The following ERICH1 variants were observed in gnomAD, a reference collection of about 807,000 sequenced individuals.
ERICH1 encodes glutamate rich 1.
In ERICH1, 56 loss-of-function variants were observed where a neutral mutation model predicts 39.6. The observed-to-expected ratio is 1.41, with a 90% CI of 1.14 to 1.77. The LOEUF (loss-of-function observed/expected upper bound fraction) is 1.77, where lower values mean the gene tolerates loss of function less well. Among genes scored for constraint, ERICH1 ranks in the 40% most tolerant of loss-of-function variants. The pLI, the probability that ERICH1 is intolerant of heterozygous loss-of-function variation, is 0.00. For synonymous variants in ERICH1, 313 were observed against 223.6 expected (o/e 1.40, Z -3.57); for missense variants, 826 against 575.4 (o/e 1.44, Z -4.45).
Position 704,889 on chromosome 8 carries a change from T to C in ERICH1, c.169+10972A>G, listed in dbSNP as rs146139244. ...TGTGACTGGAGTGATGGGCAGAACATTGCTGTTTTTAATAATAATTCCTGA... is the reference window on the plus strand; with the variant it reads ...TGTGACTGGAGTGATGGGCAGAACACTGCTGTTTTTAATAATAATTCCTGA... On this transcript the variant is annotated intron_variant, in intron 2 of 5. Coordinates refer to ENST00000262109, the MANE Select transcript of ERICH1 (RefSeq NM_207332.3). Among the ~76,000 whole-genome samples, 17 of 152,320 alleles carry C rather than the reference T, an allele frequency of 1.1e-4. No homozygotes were observed. In the East Asian group the frequency reaches 1.5e-3, roughly 14 times the overall value.
intron 2 of ERICH1, among the ~76,000 whole-genome samples, chr8:701,339 G>A (rs1340750716): frequency 1.3e-5 from 2 of 151,112 alleles, no homozygotes; most frequent in Admixed American, 1.3e-4. Context: ...ACGGGAGCAC[G>A]CCGTACCCAC....
chr8:673,628 G>A lies in ERICH1; in HGVS notation c.724C>T (p.Leu242=). ...CCCTCTTCCTGCCTGGCCCGTGTCAGGTCTTCCTCGCTAGCGTCCGCACCA... is the reference window on the plus strand; with the variant it reads ...CCCTCTTCCTGCCTGGCCCGTGTCAAGTCTTCCTCGCTAGCGTCCGCACCA... ...EDGADASEED[L]TRARQEEGAD... The change falls in exon 4 of 6, where the codon CTG becomes TTG. Residue 242 remains leucine, a synonymous_variant. Transcript: ENST00000262109. 3 of 1,555,624 alleles carry A rather than the reference G, an allele frequency of 1.9e-6. No homozygotes were observed. The highest frequency in any genetic ancestry group is 2.6e-6 in the Non-Finnish European group (3 of 1,133,780).
At chr8:699,609 A>T (rs1811220047) in intron 2 of ERICH1, among the ~76,000 whole-genome samples, 1 of 152,164 alleles carries the variant, frequency 6.6e-6, no homozygotes, top group East Asian at 1.9e-4. Context: ...ATCATATTTA[A>T]ACAAGCTCCA....
At position 712,279 on chromosome 8, in the gene ERICH1, C is replaced by T. The variant is rs576417905; in HGVS notation, c.169+3582G>A. ...AATATCGAGTCTTCCTATCCATGAA[C>T]ATGGAATATCTGTTCAATTTTTAGT... On this transcript the variant is annotated intron_variant, in intron 2 of 5. Coordinates refer to ENST00000262109, the MANE Select transcript of ERICH1 (RefSeq NM_207332.3). Among the ~76,000 whole-genome samples the T allele has an allele frequency of 8.7e-4, 132 of 152,232 alleles. 1 individual carries two copies. The highest frequency in any genetic ancestry group is 3.1e-3 in the African/African-American group (127 of 41,544).
intron 3 of ERICH1, among the ~76,000 whole-genome samples, chr8:655,557 G>A (rs938094690): frequency 6.6e-6 from 1 of 152,198 alleles, no homozygotes; most frequent in Admixed American, 6.5e-5. Context: ...CAGGGGCCGA[G>A]TGGATCACGC....
intron 5 of ERICH1, among the ~76,000 whole-genome samples, chr8:665,242 G>A (rs539829510): frequency 9.2e-5 from 14 of 151,812 alleles, no homozygotes; most frequent in Non-Finnish European, 2.1e-4. Context: ...ACATGGCTCC[G>A]ACCTCTGAGC....
chr8:664,308 T>C lies in ERICH1; in HGVS notation c.*295A>G. On this transcript the variant is annotated 3_prime_UTR_variant, in exon 6 of 6. Transcript: ENST00000262109. ...AAATATATGAGCTTCAAACTATACA[T>C]TTAACTTAACAGAATGTCCATTTTC... is the stretch of plus-strand genomic sequence containing the variant. The C allele has an allele frequency of 9.4e-7, 1 of 1,062,172 alleles. No individual in the cohort carries two copies. Among genetic ancestry groups the C allele is most frequent in the Non-Finnish European group, 1.1e-6 (1 of 879,844 alleles). The allele number at this position is 1,062,172 out of a possible 1,614,324, so 65.8% of individuals were successfully genotyped here. A position where few individuals can be genotyped will look rare whatever the true frequency, so the allele number is the denominator to read the frequency against.
chr8:675,091 T>C (rs1358865551), intron 3 of ERICH1, among the ~76,000 whole-genome samples: 1 of 151,876 alleles, frequency 6.6e-6, no homozygotes. Flanking sequence ...CATGGCAGTC[T>C]CAACACCTCA....
intron 5 of ERICH1, among the ~76,000 whole-genome samples, chr8:665,762 C>T (rs1802122741): frequency 6.6e-6 from 1 of 152,180 alleles, no homozygotes; most frequent in African/African-American, 2.4e-5. Flanking sequence ...ATGCAGCCCC[C>T]ATGACTGAGG....
intron 2 of ERICH1, among the ~76,000 whole-genome samples, chr8:699,496 G>T (rs543279719): frequency 6.6e-6 from 1 of 152,176 alleles, no homozygotes; most frequent in Non-Finnish European, 1.5e-5. Flanking sequence ...TGGTATCTCC[G>T]CTGGGCGCCG....
At chr8:712,749 A>G (rs1012751260) in intron 2 of ERICH1, among the ~76,000 whole-genome samples, 1 of 152,260 alleles carries the variant, frequency 6.6e-6, no homozygotes, top group Non-Finnish European at 1.5e-5. Flanking sequence ...GCTGACATAT[A>G]GGAAAGCAGT....
chr8:668,737 C>T lies in ERICH1; in HGVS notation c.1119G>A (p.Leu373=), dbSNP rs1802685801. The T allele has an allele frequency of 6.2e-7, 1 of 1,613,742 alleles. No individual in the cohort carries two copies. Among genetic ancestry groups the T allele is most frequent in the Non-Finnish European group, 8.5e-7 (1 of 1,179,886 alleles). Residue 373 remains leucine, a synonymous_variant, in exon 5 of 6, where the codon CTG becomes CTA. Coordinates refer to ENST00000262109, the MANE Select transcript of ERICH1 (RefSeq NM_207332.3). The stretch of plus-strand genomic sequence containing the variant: ...GCATGCTGTGTGACGCAAGGCGGTC[C>T]AGCAGCTCCTCAGCGGCATCTGCGA... ...AALADAAEEL[L]DRLASHSMLP... is the part of the protein sequence containing the mutation.
rs552258766 is a variant in ERICH1 at position 617,517 on chromosome 8, C to T, written c.977-2233G>A. Among the ~76,000 whole-genome samples the T allele has an allele frequency of 3.9e-5, 6 of 152,286 alleles. No individual in the cohort carries two copies. The East Asian group carries it at 1.2e-3, about 29-fold the overall frequency. The stretch of plus-strand genomic sequence containing the variant: ...CCCTCTGAATGCTGAGGGCTTGGTG[C>T]TTGGTCCATCCTCACTGCCCTCTGA... On this transcript the variant is annotated intron_variant, in intron 3 of 3. Coordinates refer to the ERICH1 transcript ENST00000522706.
chr8:684,066 T>C (rs1187640541), intron 3 of ERICH1, among the ~76,000 whole-genome samples: 1 of 152,258 alleles, frequency 6.6e-6, no homozygotes, highest in African/African-American at 2.4e-5. Flanking sequence ...TGTCTCACCA[T>C]AAAACAGCTT....
At chr8:635,050 GC>G (rs904009205) in intron 3 of ERICH1, among the ~76,000 whole-genome samples, 7 of 152,096 alleles carry the variant, frequency 4.6e-5, no homozygotes, top group African/African-American at 1.7e-4. Context: ...GGTGTCCCAG[GC>G]TTTGGACACT....
chr8:678,870 T>C (rs999901829), intron 3 of ERICH1, among the ~76,000 whole-genome samples: 1 of 152,102 alleles, frequency 6.6e-6, no homozygotes, highest in South Asian at 2.1e-4. Context: ...GAAAAGATAA[T>C]GACCCCTGAC....
chr8:700,401 CCGCACAGG>C (rs1183401801), intron 2 of ERICH1, among the ~76,000 whole-genome samples: 3 of 103,586 alleles, frequency 2.9e-5, no homozygotes, highest in Non-Finnish European at 4.2e-5. Flanking sequence ...GCGCACAGGC[CCGCACAGG>C]CGCACAGGCC....
chr8:637,796 C>T (rs948029791), intron 3 of ERICH1, among the ~76,000 whole-genome samples: 1 of 152,192 alleles, frequency 6.6e-6, no homozygotes, highest in African/African-American at 2.4e-5. Context: ...AGCCGGGAGT[C>T]AAACAGTGCT....
intron 1 of ERICH1, 96 bp from the exon 2 acceptor site, chr8:716,103 C>T (rs1054101530): frequency 2.1e-6 from 3 of 1,427,958 alleles, no homozygotes; most frequent in African/African-American, 1.4e-5. Flanking sequence ...CAAACACACA[C>T]ATCCTGAAAG....
Sources: allele counts gnomAD v4.1 joint callset (sites outside exome capture counted in the v4.1 genomes callset), GRCh38; gene constraint gnomAD v4.1.1; transcripts MANE v1.5; gene names NCBI Gene and HGNC (gene_info 2026-07-23, HGNC 2026-07-21).